Variants in NACC2 observed in about 807,000 individuals in gnomAD.
The protein encoded by NACC2 is NACC family member 2.
Under a neutral mutation model 25.1 loss-of-function variants are expected in NACC2, and 8 were observed. That is an observed-to-expected ratio of 0.32 (90% CI 0.19 to 0.57). The LOEUF (loss-of-function observed/expected upper bound fraction) is 0.57, where lower values mean the gene tolerates loss of function less well. Among genes scored for constraint, NACC2 ranks in the 20% least tolerant of loss-of-function variants. NACC2 has a pLI of 0.89. For missense variants in NACC2, 644 were observed against 650.2 expected (o/e 0.99, Z 0.10); for synonymous variants, 435 against 294.7 (o/e 1.48, Z -4.88).
chr9:136,013,852 GC>G lies in NACC2; in HGVS notation c.1157+11del. 6.2e-7 allele frequency: 1 copy of G among 1,610,308 alleles called. No individual in the cohort carries two copies. The highest frequency in any genetic ancestry group is 8.5e-7 in the Non-Finnish European group (1 of 1,178,230). On this transcript the variant is annotated intron_variant, in intron 4 of 5. Transcript: ENST00000277554. The surrounding 1 kb of genome is among the most constrained non-coding windows in gnomAD (Gnocchi z 6.6). ...CTCCATTGTGCCCTCCAGCACTCCT[GC>G]CCCGACCTACCTGTCAAAGAAGGTG...
At chr9:136,063,542 A>G (rs1053259098) in intron 1 of NACC2, among the ~76,000 whole-genome samples, 3 of 152,210 alleles carry the variant, frequency 2.0e-5, no homozygotes, top group Admixed American at 6.5e-5. Context: ...CCCATAAAGT[A>G]TAGAGTTTTT....
At chr9:136,045,770 G>T (rs1029392486) in intron 2 of NACC2, among the ~76,000 whole-genome samples, 1 of 152,282 alleles carries the variant, frequency 6.6e-6, no homozygotes, top group Non-Finnish European at 1.5e-5. Context: ...GCCCCGTGCT[G>T]TCATCTGCCC....
intron 1 of NACC2, among the ~76,000 whole-genome samples, chr9:136,064,211 C>T (rs57617664): frequency 0.084 from 12,785 of 152,192 alleles, 623 homozygotes; most frequent in Non-Finnish European, 0.11. Context: ...ATCACTTGAG[C>T]CCAGGCGATC....
intron 2 of NACC2, among the ~76,000 whole-genome samples, chr9:136,042,640 TCA>T (rs1428146870): frequency 3.4e-5 from 5 of 149,178 alleles, no homozygotes; most frequent in Admixed American, 3.3e-4. Flanking sequence ...ACACACAGAC[TCA>T]CAGACACACA....
chr9:136,048,801 G>A (rs982142986), intron 2 of NACC2, among the ~76,000 whole-genome samples: 7 of 152,206 alleles, frequency 4.6e-5, no homozygotes, highest in African/African-American at 4.8e-5. Context: ...GGAAGGGCAG[G>A]GGGGCGTCCC....
intron 1 of NACC2, among the ~76,000 whole-genome samples, chr9:136,087,985 G>C (rs550218163): frequency 6.6e-6 from 1 of 152,250 alleles, no homozygotes; most frequent in East Asian, 1.9e-4. Flanking sequence ...ACTCTGCTGG[G>C]AAGTTCCGGG....
intron 1 of NACC2, among the ~76,000 whole-genome samples, chr9:136,088,813 G>A (rs1038614131): frequency 1.3e-5 from 2 of 152,202 alleles, no homozygotes; most frequent in Non-Finnish European, 2.9e-5. Flanking sequence ...GAAAGCACAA[G>A]GGCTGGGCTG....
At chr9:136,081,229 C>T (rs758154109) in intron 1 of NACC2, among the ~76,000 whole-genome samples, 3 of 152,204 alleles carry the variant, frequency 2.0e-5, no homozygotes, top group Non-Finnish European at 1.5e-5. Flanking sequence ...ACCAGGTGGA[C>T]TCAGTCCCGA....
At chr9:136,079,426 T>G (rs1290058388) in intron 1 of NACC2, among the ~76,000 whole-genome samples, 2 of 152,176 alleles carry the variant, frequency 1.3e-5, no homozygotes, top group Non-Finnish European at 2.9e-5. Flanking sequence ...CCGGGGGCCC[T>G]GCAGGTGCAG....
At chr9:136,075,245 T>G (rs770900690) in intron 1 of NACC2, among the ~76,000 whole-genome samples, 49 of 152,190 alleles carry the variant, frequency 3.2e-4, no homozygotes, top group Non-Finnish European at 5.1e-4. Context: ...TGGCCAGGAC[T>G]CCAGGACACA....
rs972703456 is a variant in NACC2 at position 136,049,117 on chromosome 9, C to T, written c.886+519G>A. 4.6e-5 allele frequency among the ~76,000 whole-genome samples: 7 copies of T among 152,210 alleles called. No individual in the cohort carries two copies. In the South Asian group the frequency reaches 1.2e-3, roughly 27 times the overall value. ...GGGGCCCAGGACGGGGAGCAGCCCTCCTTGAAAGAAAGGAACGGAGAGGAG... is the reference window on the plus strand; with the variant it reads ...GGGGCCCAGGACGGGGAGCAGCCCTTCTTGAAAGAAAGGAACGGAGAGGAG... On this transcript the variant is annotated intron_variant, in intron 2 of 5. Coordinates refer to ENST00000277554, the MANE Select transcript of NACC2 (RefSeq NM_144653.5).
intron 1 of NACC2, among the ~76,000 whole-genome samples, chr9:136,087,713 C>T (rs1036540663): frequency 6.6e-6 from 1 of 152,152 alleles, no homozygotes; most frequent in Non-Finnish European, 1.5e-5. Flanking sequence ...CACCGCAGCA[C>T]GGGGGGAAAT....
intron 2 of NACC2, among the ~76,000 whole-genome samples, chr9:136,046,312 C>T (rs1035632622): frequency 7.4e-4 from 113 of 152,336 alleles, no homozygotes; most frequent in Non-Finnish European, 1.3e-3. Flanking sequence ...TCCCCATCAG[C>T]CAGAGGGGAA....
chr9:136,023,935 C>T (rs1312604367), intron 2 of NACC2, among the ~76,000 whole-genome samples: 3 of 152,152 alleles, frequency 2.0e-5, no homozygotes, highest in Non-Finnish European at 4.4e-5. Flanking sequence ...GTGCATGCCC[C>T]CAACCACACA....
intron 3 of NACC2, among the ~76,000 whole-genome samples, chr9:136,015,250 G>A (rs1840182495): frequency 6.6e-6 from 1 of 152,224 alleles, no homozygotes. Context: ...AAGCACCAGG[G>A]CCCGCGTGGG....
At chr9:136,050,623 G>T (rs1193117093) in intron 1 of NACC2, 43 bp from the exon 2 acceptor site, 2 of 686,862 alleles carry the variant, frequency 2.9e-6, no homozygotes, top group Admixed American at 2.0e-5. Flanking sequence ...TCCAGGTCAC[G>T]GGCTCCCCGC....
chr9:136,024,369 AAG>A (rs1170831165), intron 2 of NACC2, among the ~76,000 whole-genome samples: 1 of 96,500 alleles, frequency 1.0e-5, no homozygotes, highest in Non-Finnish European at 2.0e-5. Flanking sequence ...GTGAGGACAG[AAG>A]GTGTGTGTGT....
rs2131124830 is a variant in NACC2, at chr9:136,007,005, C to T, written c.*4511G>A. ...AGTCTCTTTTTTCCAAACATTCCAT[C>T]CGAAGGATGGATGCTCTACTTGCAC... On this transcript the variant is annotated 3_prime_UTR_variant, in exon 6 of 6. Transcript: ENST00000277554. The T allele has an allele frequency of 6.5e-6, 1 of 154,308 alleles. No homozygotes were observed. The highest frequency in any genetic ancestry group is 2.4e-5 in the African/African-American group (1 of 41,632). 9.6% of individuals were successfully genotyped at this position (154,308 alleles called of 1,614,324 possible).
intron 1 of NACC2, among the ~76,000 whole-genome samples, chr9:136,091,651 T>C (rs1450278747): frequency 6.6e-6 from 1 of 152,170 alleles, no homozygotes; most frequent in South Asian, 2.1e-4. Flanking sequence ...CAAGGGTGTG[T>C]GCTTCCAAAA....
Sources: allele counts gnomAD v4.1 joint callset (sites outside exome capture counted in the v4.1 genomes callset), GRCh38; gene constraint gnomAD v4.1.1; non-coding constraint Gnocchi (gnomAD v3.1); transcripts MANE v1.5; gene names NCBI Gene and HGNC (gene_info 2026-07-23, HGNC 2026-07-21).